The following CAST variants were observed in gnomAD, a reference collection of about 807,000 sequenced individuals.
CAST encodes the protein calpastatin, also known as MIR583 host.
In CAST, 76 loss-of-function variants were observed where a neutral mutation model predicts 119.6. The observed-to-expected ratio is 0.64, with a 90% CI of 0.53 to 0.77. The LOEUF (loss-of-function observed/expected upper bound fraction) is 0.77. Ranked by LOEUF, CAST falls within the 30% of genes least tolerant of loss-of-function variation. CAST has a pLI of 0.00. For missense variants in CAST, 953 were observed against 946.5 expected, an observed-to-expected ratio of 1.01 and a Z score of -0.09; for synonymous variants, 319 against 331.6, an observed-to-expected ratio of 0.96 and a Z score of 0.41.
the CAST span, among the ~76,000 whole-genome samples, chr5:96,012,458 T>C: frequency 2.6e-5 from 4 of 152,176 alleles, no homozygotes; most frequent in Admixed American, 2.0e-4. Flanking sequence ...TATCTGAGCC[T>C]CAGTTGCCTC....
chr5:96,137,012 T>C, the CAST span, among the ~76,000 whole-genome samples: 4,186 of 152,300 alleles, frequency 0.027, 189 homozygotes, highest in African/African-American at 0.096. Flanking sequence ...CTTTGTCACA[T>C]TCTGCAGGCT....
chr5:96,356,779 T>G, the CAST span, among the ~76,000 whole-genome samples: 16 of 152,188 alleles, frequency 1.1e-4, no homozygotes, highest in African/African-American at 3.6e-4. Flanking sequence ...GCCTCCAGCT[T>G]TGTTCTTTTT....
chr5:95,961,757 C>T, the CAST span: 5 of 1,563,614 alleles, frequency 3.2e-6, no homozygotes, highest in South Asian at 4.7e-5. Context: ...CGCCGCCGCT[C>T]CGGCTCTAGC....
chr5:96,535,175 G>A (rs1310579216), intron 1 of CAST, among the ~76,000 whole-genome samples: 1 of 152,126 alleles, frequency 6.6e-6, no homozygotes, highest in Non-Finnish European at 1.5e-5. Flanking sequence ...AGAAAACGTG[G>A]GCAGAAGCCT....
chr5:96,701,128 A>G (rs1753843242), intron 3 of CAST, among the ~76,000 whole-genome samples: 1 of 152,020 alleles, frequency 6.6e-6, no homozygotes, highest in Non-Finnish European at 1.5e-5. Flanking sequence ...GGGTTTCACC[A>G]TGTTGCCCAG....
chr5:96,642,290 C>G (rs1299625368), intron 1 of CAST, among the ~76,000 whole-genome samples: 1 of 152,144 alleles, frequency 6.6e-6, no homozygotes, highest in African/African-American at 2.4e-5. Context: ...TGAGATAATG[C>G]ATGGTACATA....
the CAST span, among the ~76,000 whole-genome samples, chr5:96,412,752 G>GTTTTGTTTTTTTT: frequency 6.8e-4 from 49 of 71,816 alleles, no homozygotes; most frequent in African/African-American, 4.0e-3. Flanking sequence ...CAGCTGTGAT[G>GTTTTGTTTTTTTT]TTTTTTTTTT....
intron 3 of CAST, among the ~76,000 whole-genome samples, chr5:96,706,777 G>A (rs1755064295): frequency 1.3e-5 from 2 of 152,160 alleles, no homozygotes; most frequent in Admixed American, 1.3e-4. Flanking sequence ...GCTGTTTTGT[G>A]GAACTGAGAG....
chr5:96,229,461 T>C, the CAST span, among the ~76,000 whole-genome samples: 1 of 152,050 alleles, frequency 6.6e-6, no homozygotes, highest in Non-Finnish European at 1.5e-5. Context: ...TCCATGGCAG[T>C]GGCAGCACCA....
chr5:96,423,288 C>A, the CAST span: 1 of 1,594,310 alleles, frequency 6.3e-7, no homozygotes, highest in South Asian at 1.1e-5. Flanking sequence ...CCCTAAGTCA[C>A]AGTCATGAGA....
chr5:96,398,370 T>C, the CAST span, among the ~76,000 whole-genome samples: 1 of 152,228 alleles, frequency 6.6e-6, no homozygotes, highest in Non-Finnish European at 1.5e-5. Flanking sequence ...CACTATCTTA[T>C]CTGAATTAGT....
At chr5:96,402,272 C>G in the CAST span, among the ~76,000 whole-genome samples, 1 of 152,224 alleles carries the variant, frequency 6.6e-6, no homozygotes, top group Non-Finnish European at 1.5e-5. Flanking sequence ...GCACGACACA[C>G]GGGGAAGCTG....
At chr5:96,266,843 C>A in the CAST span, among the ~76,000 whole-genome samples, 1 of 152,110 alleles carries the variant, frequency 6.6e-6, no homozygotes, top group Non-Finnish European at 1.5e-5. Context: ...TGACTGACCA[C>A]AATGAGATGG....
At chr5:96,769,825 C>T (rs1347098289) in intron 29 of CAST, 1 of 149,878 alleles carries the variant, frequency 6.7e-6, no homozygotes, top group African/African-American at 2.5e-5. Context: ...TAAGTGAAAT[C>T]ACTTTTCTTT....
intron 1 of CAST, among the ~76,000 whole-genome samples, chr5:96,614,210 G>A (rs1747413906): frequency 6.6e-6 from 1 of 152,162 alleles, no homozygotes; most frequent in South Asian, 2.1e-4. Flanking sequence ...GGCAGCAGAA[G>A]CTCATCATTT....
At chr5:96,099,742 G>T in the CAST span, among the ~76,000 whole-genome samples, 1 of 152,142 alleles carries the variant, frequency 6.6e-6, no homozygotes, top group African/African-American at 2.4e-5. Flanking sequence ...TTTTGTTGAG[G>T]ATTTTTGCAT....
upstream of CAST, among the ~76,000 whole-genome samples, chr5:96,522,514 C>A (rs1745534904): frequency 6.6e-6 from 1 of 151,966 alleles, no homozygotes; most frequent in South Asian, 2.1e-4. Flanking sequence ...ATGAATGTTG[C>A]ACAGTAAAAA....
At chr5:96,674,004 T>G (rs1580915849) in intron 1 of CAST, among the ~76,000 whole-genome samples, 2 of 152,244 alleles carry the variant, frequency 1.3e-5, no homozygotes, top group African/African-American at 4.8e-5. Context: ...GCCTTTTGGC[T>G]AGTTGTTCAT....
At chr5:96,625,696 C>G (rs1450605318) in intron 1 of CAST, among the ~76,000 whole-genome samples, 1 of 152,252 alleles carries the variant, frequency 6.6e-6, no homozygotes. Flanking sequence ...TCTTTTTAGT[C>G]CCTTTTGGGT....
Sources: gnomAD v4.1 joint callset for allele counts (sites outside exome capture counted in the v4.1 genomes callset) on GRCh38, gnomAD v4.1.1 for gene constraint, MANE v1.5 for transcripts, NCBI Gene and HGNC (gene_info 2026-07-23, HGNC 2026-07-21) for gene names.